TTC28: variants seen among roughly 807,000 people sequenced by gnomAD.
TTC28 encodes the protein tetratricopeptide repeat domain 28.
A neutral mutation model predicts 198.0 loss-of-function variants in TTC28; 61 were observed. That is an observed-to-expected ratio of 0.31 (90% confidence interval 0.25 to 0.38). TTC28 has a LOEUF of 0.38. TTC28 is among the 10% of genes least tolerant of loss of function. The pLI is 1.00. For synonymous variants in TTC28, 1,171 were observed against 1,297.8 expected, an observed-to-expected ratio of 0.90 and a Z score of 2.10; for missense variants, 2,678 against 3,164.0, an observed-to-expected ratio of 0.85 and a Z score of 3.69.
rs556470227 is a variant in TTC28 at position 28,181,420 on chromosome 22, C to CACT, written c.934-17824_934-17822dup. ...ATAAGATATGAAAGTTGGCAAGAAACACTACCTCTCCTGGCTCTATAAATA... is the reference window on the plus strand; with the variant it reads ...ATAAGATATGAAAGTTGGCAAGAAACACTACTACCTCTCCTGGCTCTATAAATA... On this transcript the variant is annotated intron_variant, in intron 5 of 22. Transcript: ENST00000397906. Among the ~76,000 whole-genome samples, 1,238 of 152,282 alleles carry CACT rather than the reference C, an allele frequency of 8.1e-3. 25 individuals carry two copies. Among genetic ancestry groups the CACT allele is most frequent in the African/African-American group, 0.029 (1,195 of 41,544 alleles).
chr22:28,388,890 T>A (rs1458718635), intron 2 of TTC28, among the ~76,000 whole-genome samples: 1 of 151,984 alleles, frequency 6.6e-6, no homozygotes, highest in African/African-American at 2.4e-5. Flanking sequence ...TGACTAGGAG[T>A]GGTGAGAGAG....
intron 2 of TTC28, among the ~76,000 whole-genome samples, chr22:28,368,542 C>A (rs1340072323): frequency 6.6e-6 from 1 of 151,928 alleles, no homozygotes; most frequent in African/African-American, 2.4e-5. Context: ...GAAGTCCTAG[C>A]CAGAGCAATC....
intron 5 of TTC28, among the ~76,000 whole-genome samples, chr22:28,273,541 A>G (rs962491866): frequency 2.6e-5 from 4 of 152,184 alleles, no homozygotes; most frequent in Admixed American, 2.0e-4. Flanking sequence ...GGATAGTAAA[A>G]AAAAAATCTA....
intron 2 of TTC28, among the ~76,000 whole-genome samples, chr22:28,537,340 A>AACTAAACTAAACTAAACTAAACT: frequency 6.7e-6 from 1 of 149,154 alleles, no homozygotes; most frequent in East Asian, 2.0e-4. Flanking sequence ...AAATAAAATA[A>AACTAAACTAAACTAAACTAAACT]AAACAAGAAT....
In TTC28 at chr22:28,043,242, C is replaced by CAA. The variant is rs11362041; in HGVS notation, c.3933-12878_3933-12877dup. On this transcript the variant is annotated intron_variant, in intron 12 of 22. Coordinates refer to ENST00000397906, the MANE Select transcript of TTC28 (RefSeq NM_001145418.2). ...TGCATAACAGAGTAAGACTCCATCT[C>CAA]AAAAAAAAAAAAAAAAAAAAAAAAA... 3.4e-4 allele frequency among the ~76,000 whole-genome samples: 22 copies of CAA among 65,566 alleles called. 1 individual carries two copies. Among genetic ancestry groups the CAA allele is most frequent in the East Asian group, 8.8e-4 (2 of 2,282 alleles). 43.0% of individuals were successfully genotyped at this position (65,566 alleles called of 152,430 possible).
At chr22:28,032,224 T>TATATATATAAA (rs1200534548) in intron 12 of TTC28, among the ~76,000 whole-genome samples, 10 of 134,040 alleles carry the variant, frequency 7.5e-5, no homozygotes, top group East Asian at 2.1e-4. Flanking sequence ...ATATAAAATA[T>TATATATATAAA]ATATATATAA....
At chr22:28,501,359 C>G (rs949479460) in intron 2 of TTC28, among the ~76,000 whole-genome samples, 2 of 151,942 alleles carry the variant, frequency 1.3e-5, no homozygotes, top group Admixed American at 1.3e-4. Context: ...CAAAGGAAAG[C>G]AAATGAGTGT....
At chr22:28,592,026 A>T (rs887068047) in intron 2 of TTC28, among the ~76,000 whole-genome samples, 34 of 152,130 alleles carry the variant, frequency 2.2e-4, no homozygotes, top group Admixed American at 1.9e-3. Context: ...ACCAAGTGGA[A>T]GGGTAGGGTG....
intron 6 of TTC28, among the ~76,000 whole-genome samples, chr22:28,110,297 TA>T (rs1942447513): frequency 6.6e-6 from 1 of 152,190 alleles, no homozygotes; most frequent in Non-Finnish European, 1.5e-5. Context: ...GGACTTAGGG[TA>T]AATCATTTAG....
intron 2 of TTC28, among the ~76,000 whole-genome samples, chr22:28,371,859 C>T (rs1237718341): frequency 5.6e-5 from 8 of 141,944 alleles, no homozygotes; most frequent in Middle Eastern, 3.6e-3. Context: ...GGATTACAGG[C>T]GTGAGCCACT....
intron 5 of TTC28, among the ~76,000 whole-genome samples, chr22:28,179,165 G>GTTT (rs71316832): frequency 1.4e-5 from 2 of 140,970 alleles, no homozygotes; most frequent in African/African-American, 5.2e-5. Flanking sequence ...TTTTTGTTTT[G>GTTT]TTTTTTTTTT....
chr22:28,339,097 G>C (rs2045783656), intron 2 of TTC28, among the ~76,000 whole-genome samples: 1 of 152,312 alleles, frequency 6.6e-6, no homozygotes, highest in African/African-American at 2.4e-5. Context: ...CTAACAGTCA[G>C]GACTCTCAGC....
At chr22:28,080,205 A>G (rs986604427) in intron 12 of TTC28, among the ~76,000 whole-genome samples, 1 of 152,180 alleles carries the variant, frequency 6.6e-6, no homozygotes, top group African/African-American at 2.4e-5. Flanking sequence ...TTTTGTGTAT[A>G]CCCAGAAATG....
At chr22:28,385,505 G>C (rs1212109690) in intron 2 of TTC28, among the ~76,000 whole-genome samples, 1 of 151,786 alleles carries the variant, frequency 6.6e-6, no homozygotes, top group Non-Finnish European at 1.5e-5. Context: ...AGAAGGTACA[G>C]AGAGTTCCCA....
intron 2 of TTC28, among the ~76,000 whole-genome samples, chr22:28,452,005 T>C (rs2146256162): frequency 1.3e-5 from 2 of 152,106 alleles, no homozygotes; most frequent in East Asian, 3.9e-4. Context: ...TGACTGTGTG[T>C]ATGTGTGTAT....
At chr22:28,437,726 G>A (rs889135952) in intron 2 of TTC28, among the ~76,000 whole-genome samples, 3 of 152,128 alleles carry the variant, frequency 2.0e-5, no homozygotes, top group Admixed American at 6.5e-5. Context: ...CCACACAGCT[G>A]AGACTATAGG....
intron 12 of TTC28, among the ~76,000 whole-genome samples, chr22:28,056,973 C>T (rs2146722671): frequency 6.6e-6 from 1 of 152,284 alleles, no homozygotes; most frequent in East Asian, 1.9e-4. Context: ...GTATTTACAG[C>T]TTCTTACTTT....
chr22:28,023,513 G>A (rs1424467955), intron 13 of TTC28, among the ~76,000 whole-genome samples: 1 of 152,240 alleles, frequency 6.6e-6, no homozygotes, highest in African/African-American at 2.4e-5. Context: ...CCCAGCTGAT[G>A]CATGTCCAGC....
intron 2 of TTC28, among the ~76,000 whole-genome samples, chr22:28,410,948 T>A (rs1386238583): frequency 6.6e-6 from 1 of 152,036 alleles, no homozygotes; most frequent in Non-Finnish European, 1.5e-5. Flanking sequence ...TTACCTTGGA[T>A]GAAATTAAAA....
Sources: allele counts gnomAD v4.1 joint callset (sites outside exome capture counted in the v4.1 genomes callset), GRCh38; gene constraint gnomAD v4.1.1; transcripts MANE v1.5; gene names NCBI Gene and HGNC (gene_info 2026-07-23, HGNC 2026-07-21).